Variants in UBR4 observed in about 807,000 individuals in gnomAD.
UBR4 encodes the protein E3 ubiquitin-protein ligase UBR4.
In UBR4, 124 loss-of-function variants were observed where a neutral mutation model predicts 575.6. The ratio of observed to expected loss-of-function variants is 0.22; its 90% CI spans 0.19 to 0.25. UBR4 has a LOEUF of 0.25. UBR4 is among the 10% of genes least tolerant of loss of function. UBR4 has a pLI of 1.00. For synonymous variants in UBR4, 2,455 were observed against 2,473.7 expected, an observed-to-expected ratio of 0.99 and a Z score of 0.22; for missense variants, 4,818 against 6,478.8, an observed-to-expected ratio of 0.74 and a Z score of 8.80.
Position 19,106,930 on chromosome 1 carries a change from A to G in UBR4, c.12142T>C (p.Tyr4048His), listed in dbSNP as rs2079266145. 1.9e-6 allele frequency: 3 copies of G among 1,612,686 alleles called. No individual in the cohort carries two copies. Among genetic ancestry groups the G allele is most frequent in the Admixed American group, 3.3e-5 (2 of 60,004 alleles). ...GCCTGGGCATGGATCTCATTGCAGT[A>G]TGGCTTCACCGTGGTGAGGGCCTCA... Reference protein sequence around the residue: ...PVEALTTVKPYCNEIHAQAQL... With the variant: ...PVEALTTVKPHCNEIHAQAQL... Residue 4048 changes from tyrosine (Y) to histidine (H), a missense_variant, in exon 82 of 106, where the codon TAC (tyrosine) becomes CAC (histidine). Coordinates refer to ENST00000375254, the MANE Select transcript of UBR4 (RefSeq NM_020765.3).
rs143808057 is a variant in UBR4, at chr1:19,117,201, G to A, written c.10823+20C>T. ...AGCCTTACAACCTGCTGCCCCTCCC[G>A]AGGCCTAAAAAGCCCGTACTTGTTT... On this transcript the variant is annotated intron_variant, in intron 73 of 105. Coordinates refer to ENST00000375254, the MANE Select transcript of UBR4 (RefSeq NM_020765.3). This position sits in a 1 kb window ranked among gnomAD's most constrained non-coding sequence, Gnocchi z 4.0. 593 of 1,608,146 alleles carry A rather than the reference G, an allele frequency of 3.7e-4. No individual in the cohort carries two copies. In the African/African-American group the frequency reaches 7.0e-3, roughly 19 times the overall value.
chr1:19,079,226 A>G (rs1013512288), intron 103 of UBR4: 2 of 152,172 alleles, frequency 1.3e-5, no homozygotes, highest in Non-Finnish European at 2.9e-5. Context: ...GGCTATCCAC[A>G]CCTGCATTCA....
In UBR4 at chr1:19,164,421, C is replaced by T. The variant is rs750969869; in HGVS notation, c.4532G>A (p.Cys1511Tyr). 2.5e-6 allele frequency: 4 copies of T among 1,613,952 alleles called. No individual in the cohort carries two copies. The highest frequency in any genetic ancestry group is 3.4e-6 in the Non-Finnish European group (4 of 1,179,942). The part of the protein sequence containing the change: ...RENSQVGEGV[C>Y]AVLLGTLTPM... ...AGTCAGGGTGCCCAGAAGAACAGCA[C>T]ACACACCTTCCCCAACTTGGCTAGG... The change falls in exon 33 of 106, where the codon TGT becomes TAT. Residue 1511 changes from cysteine to tyrosine, a missense_variant. Transcript: ENST00000375254.
In UBR4 at chr1:19,081,472, T is replaced by A. The variant is rs747436535; in HGVS notation, c.15110A>T (p.Tyr5037Phe). ...ESAFEVDGPY[Y>F]FTVLALHILP... is the part of the protein sequence containing the mutation. ...GATGTGAAGGGCCAAGACTGTGAAA[T>A]AGTAGGGCCCGTCCACTTCAAAGGC... The change falls in exon 103 of 106, where the codon TAT becomes TTT. Residue 5037 changes from tyrosine (Y) to phenylalanine (F), a missense_variant. Tyr to Phe is a conservative substitution (Grantham distance 22). Coordinates refer to ENST00000375254, the MANE Select transcript of UBR4 (RefSeq NM_020765.3). The A allele has an allele frequency of 6.2e-7, 1 of 1,613,664 alleles. No homozygotes were observed. Among genetic ancestry groups the A allele is most frequent in the Admixed American group, 1.7e-5 (1 of 59,946 alleles).
rs3748757 is a variant in UBR4, at chr1:19,165,363, T to A, written c.4212-14A>T. ...ACAAGTTCTCCACTGGGAGGCAAGA[T>A]GGGAGAAAAATGGAAAGAATCACAT... On this transcript the variant is annotated splice_polypyrimidine_tract_variant and intron_variant, in intron 30 of 105. Coordinates refer to ENST00000375254, the MANE Select transcript of UBR4 (RefSeq NM_020765.3). 6.3e-7 allele frequency: 1 copy of A among 1,599,714 alleles called. No individual in the cohort carries two copies.
chr1:19,112,610 A>G lies in UBR4; in HGVS notation c.11715T>C (p.Leu3905=). ...GATTATAATCAAAGAGCTCCCGGATAAGGCCCTGGGAGACAAGGATGTGCC... is the reference window on the plus strand; with the variant it reads ...GATTATAATCAAAGAGCTCCCGGATGAGGCCCTGGGAGACAAGGATGTGCC... ...ALRHILVSQG[L]IRELFDYNLR... The change falls in exon 78 of 106, where the codon CTT becomes CTC. Residue 3905 remains leucine (L), a synonymous_variant. Transcript: ENST00000375254. 1 of 1,614,260 alleles carries G rather than the reference A, an allele frequency of 6.2e-7. No individual in the cohort carries two copies. The highest frequency in any genetic ancestry group is 8.5e-7 in the Non-Finnish European group (1 of 1,180,040).
intron 30 of UBR4, 87 bp downstream of exon 30, chr1:19,165,569 A>C (rs749210648): frequency 6.5e-6 from 9 of 1,387,302 alleles, no homozygotes; most frequent in Admixed American, 2.0e-5. Flanking sequence ...TATTGCTGAT[A>C]ATAAGTACCT....
chr1:19,141,914 G>T (rs765133106), intron 55 of UBR4, 137 bp from the exon 56 acceptor site: 2 of 1,243,140 alleles, frequency 1.6e-6, no homozygotes, highest in Non-Finnish European at 2.2e-6. Context: ...GAACTCCGGG[G>T]TGCTATGCCT....
chr1:19,093,830 G>T lies in UBR4; in HGVS notation c.13937+119C>A. ...CCCAACTAGACTGAGCTCCTTAAAAGCCAGAACGAGGACACAAAAATCTAA... is the reference window on the plus strand; with the variant it reads ...CCCAACTAGACTGAGCTCCTTAAAATCCAGAACGAGGACACAAAAATCTAA... On this transcript the variant is annotated intron_variant, in intron 95 of 105. Coordinates refer to ENST00000375254, the MANE Select transcript of UBR4 (RefSeq NM_020765.3). This position sits in a 1 kb window ranked among gnomAD's most constrained non-coding sequence, Gnocchi z 4.8. The T allele has an allele frequency of 8.3e-7, 1 of 1,201,858 alleles. No individual in the cohort carries two copies. Among genetic ancestry groups the T allele is most frequent in the Non-Finnish European group, 1.1e-6 (1 of 870,632 alleles). 74.4% of individuals were successfully genotyped at this position (1,201,858 alleles called of 1,614,324 possible).
chr1:19,092,103 G>C (rs1327319999), intron 97 of UBR4, among the ~76,000 whole-genome samples: 1 of 152,070 alleles, frequency 6.6e-6, no homozygotes, highest in Non-Finnish European at 1.5e-5. Flanking sequence ...TGGCAGGGGA[G>C]CAGGGGAAGA....
chr1:19,150,857 A>T, intron 48 of UBR4, 64 bp from the exon 49 acceptor site: 2 of 1,514,032 alleles, frequency 1.3e-6, no homozygotes, highest in South Asian at 2.3e-5. Context: ...TCCAAAGCAA[A>T]GACCAGAACA....
chr1:19,109,579 C>T (rs542088378), intron 81 of UBR4, among the ~76,000 whole-genome samples: 5 of 152,362 alleles, frequency 3.3e-5, no homozygotes, highest in South Asian at 2.1e-4. Flanking sequence ...AGGCAGACAC[C>T]GTTTTGATCA....
Position 19,187,452 on chromosome 1 carries a change from C to A in UBR4, c.1483G>T (p.Ala495Ser). 1 of 1,614,062 alleles carries A rather than the reference C, an allele frequency of 6.2e-7. No homozygotes were observed. Among genetic ancestry groups the A allele is most frequent in the Non-Finnish European group, 8.5e-7 (1 of 1,179,996 alleles). The change falls in exon 12 of 106, where the codon GCC becomes TCC. Residue 495 changes from alanine to serine, a missense_variant. Physicochemically the swap from Ala to Ser is moderately conservative, Grantham distance 99. This residue lies in a region of UBR4 where 162 missense variants were observed against 216.4 expected (regional missense o/e 0.75). Coordinates refer to ENST00000375254, the MANE Select transcript of UBR4 (RefSeq NM_020765.3). ...TSLFQDLQVE[A>S]LHKGWETDGP... ...GATAACCTCCTCACCTTGTGAAGGG[C>A]CTCCACTTGTAGGTCTTGAAAGAGA...
chr1:19,174,480 T>C, intron 21 of UBR4, 33 bp from the exon 22 acceptor site: 2 of 1,599,848 alleles, frequency 1.3e-6, no homozygotes, highest in Non-Finnish European at 1.7e-6. Context: ...GTCATTTCCT[T>C]ACTTTTAAAG....
intron 8 of UBR4, among the ~76,000 whole-genome samples, chr1:19,196,019 A>ACACACACACAC (rs1558002993): frequency 2.1e-5 from 2 of 93,802 alleles, no homozygotes; most frequent in African/African-American, 9.4e-5. Context: ...CACACACACA[A>ACACACACACAC]ACTTACGTAG....
intron 13 of UBR4, 66 bp downstream of exon 13, chr1:19,187,097 CA>C: frequency 1.4e-6 from 1 of 711,550 alleles, no homozygotes; most frequent in South Asian, 3.7e-5. Flanking sequence ...TATATATATA[CA>C]TATATATATC....
intron 81 of UBR4, among the ~76,000 whole-genome samples, chr1:19,108,521 A>G (rs1054138214): frequency 6.6e-6 from 1 of 152,170 alleles, no homozygotes; most frequent in African/African-American, 2.4e-5. Context: ...ATTTTGTCAC[A>G]CTGAGCATTA....
At chr1:19,129,996 T>C (rs915131229) in intron 60 of UBR4, among the ~76,000 whole-genome samples, 28 of 152,234 alleles carry the variant, frequency 1.8e-4, no homozygotes, top group Admixed American at 1.8e-3. Context: ...ATCCAGAATA[T>C]TGTCTTTTTC....
chr1:19,131,315 A>G (rs2082426599), intron 60 of UBR4, among the ~76,000 whole-genome samples: 1 of 151,812 alleles, frequency 6.6e-6, no homozygotes. Context: ...TTAGTGACTT[A>G]AAGTAAAATT....
Sources: gnomAD v4.1 joint callset for allele counts (sites outside exome capture counted in the v4.1 genomes callset) on GRCh38, gnomAD v4.1.1 for gene constraint, gnomAD v4.1.1 regional missense constraint, Gnocchi (gnomAD v3.1) non-coding constraint, MANE v1.5 for transcripts, NCBI Gene and HGNC (gene_info 2026-07-23, HGNC 2026-07-21) for gene names.